Variants in RERE observed in about 807,000 individuals in gnomAD.
The protein encoded by RERE is arginine-glutamic acid dipeptide repeats.
A neutral mutation model predicts 146.1 loss-of-function variants in RERE; 40 were observed. The ratio of observed to expected loss-of-function variants is 0.27; its 90% CI spans 0.21 to 0.36. RERE has a LOEUF of 0.36. Among genes scored for constraint, RERE ranks in the 10% least tolerant of loss-of-function variants. RERE has a pLI of 1.00. For synonymous variants in RERE, 1,003 were observed against 866.0 expected (o/e 1.16, Z -2.78); for missense variants, 1,933 against 2,138.7 (o/e 0.90, Z 1.90).
intron 21 of RERE, 121 bp downstream of exon 21, chr1:8,355,979 G>T: frequency 9.2e-7 from 1 of 1,091,946 alleles, no homozygotes. Flanking sequence ...TGCATGCAGG[G>T]GGAGCGAACC....
intron 1 of RERE, among the ~76,000 whole-genome samples, chr1:8,762,815 C>T (rs1640780325): frequency 6.6e-6 from 1 of 152,132 alleles, no homozygotes; most frequent in East Asian, 1.9e-4. Flanking sequence ...TTTTCTTCCC[C>T]TTATGGCAAG....
intron 1 of RERE, among the ~76,000 whole-genome samples, chr1:8,778,558 C>T (rs941439205): frequency 6.6e-6 from 1 of 152,130 alleles, no homozygotes; most frequent in African/African-American, 2.4e-5. Context: ...TACAGTGGCT[C>T]GGGAGTGGTG....
At chr1:8,736,540 C>A (rs954078296) in intron 1 of RERE, among the ~76,000 whole-genome samples, 2 of 152,098 alleles carry the variant, frequency 1.3e-5, no homozygotes, top group African/African-American at 4.8e-5. Context: ...TCATGTTTTT[C>A]TTTCAACTTC....
At chr1:8,454,124 T>C (rs1435250535) in intron 11 of RERE, among the ~76,000 whole-genome samples, 23 of 152,070 alleles carry the variant, frequency 1.5e-4, no homozygotes, top group Non-Finnish European at 3.4e-4. Context: ...GAGTCTATGG[T>C]ACTCATTAGC....
At chr1:8,601,161 T>C (rs1646619629) in intron 4 of RERE, among the ~76,000 whole-genome samples, 2 of 150,196 alleles carry the variant, frequency 1.3e-5, no homozygotes, top group South Asian at 4.2e-4. Flanking sequence ...CTGGGATTAC[T>C]AGCGTGCGCC....
Position 8,667,125 on chromosome 1 carries a change from A to G in RERE, c.-144-10684T>C, listed in dbSNP as rs140290129. On this transcript the variant is annotated intron_variant, in intron 1 of 22. Coordinates refer to ENST00000400908, the MANE Select transcript of RERE (RefSeq NM_001042681.2). ...TGAGCTTTGGGGAAACAACTGAGAG[A>G]ACTAAGATTAAAAGACTCTAATAAA... Among the ~76,000 whole-genome samples the G allele has an allele frequency of 7.7e-3, 1,176 of 152,288 alleles. 17 individuals carry two copies. The highest frequency in any genetic ancestry group is 0.012 in the Non-Finnish European group (787 of 68,022).
At chr1:8,615,042 T>G (rs1402824953) in intron 3 of RERE, among the ~76,000 whole-genome samples, 1 of 152,202 alleles carries the variant, frequency 6.6e-6, no homozygotes, top group Non-Finnish European at 1.5e-5. Context: ...TGCAATGGTG[T>G]CAGATACAAC....
At chr1:8,394,795 G>A (rs1237542404) in intron 12 of RERE, among the ~76,000 whole-genome samples, 1 of 151,484 alleles carries the variant, frequency 6.6e-6, no homozygotes, top group Non-Finnish European at 1.5e-5. Flanking sequence ...TCCACTACTA[G>A]TATATATATA....
chr1:8,494,917 G>A lies in RERE; in HGVS notation c.1104+146C>T, dbSNP rs1645026264. ...GCAGGTGCCACATCACTGGCCTGGA[G>A]CCCCCATGGCACCCAACAGCCAAGA... is the stretch of plus-strand genomic sequence containing the variant. On this transcript the variant is annotated intron_variant, in intron 10 of 22. Transcript: ENST00000400908. The A allele has an allele frequency of 7.9e-6, 5 of 635,444 alleles. No individual in the cohort carries two copies. The Admixed American group carries it at 1.1e-4, about 14-fold the overall frequency. The allele number at this position is 635,444 out of a possible 1,614,324, so 39.4% of individuals were successfully genotyped here. A position where few individuals can be genotyped will look rare whatever the true frequency, so the allele number is the denominator to read the frequency against.
intron 4 of RERE, among the ~76,000 whole-genome samples, chr1:8,610,764 T>C (rs778246307): frequency 1.8e-4 from 27 of 152,054 alleles, no homozygotes; most frequent in Non-Finnish European, 3.4e-4. Context: ...GATAGTATTA[T>C]TATTATACCC....
At chr1:8,597,563 C>G (rs575707547) in intron 4 of RERE, among the ~76,000 whole-genome samples, 1 of 152,098 alleles carries the variant, frequency 6.6e-6, no homozygotes, top group Non-Finnish European at 1.5e-5. Context: ...AATTAAAACA[C>G]GCAGATAGAA....
intron 11 of RERE, among the ~76,000 whole-genome samples, chr1:8,435,654 A>G (rs1396107655): frequency 6.6e-6 from 1 of 152,310 alleles, no homozygotes; most frequent in East Asian, 1.9e-4. Context: ...CCTTCCCAGG[A>G]GGTCTCAAAT....
At chr1:8,491,915 A>G (rs532028698) in intron 10 of RERE, among the ~76,000 whole-genome samples, 2 of 152,214 alleles carry the variant, frequency 1.3e-5, no homozygotes, top group Non-Finnish European at 2.9e-5. Flanking sequence ...AACAATGTAT[A>G]TATCTTTTTA....
chr1:8,609,789 T>C (rs1646768980), intron 4 of RERE, among the ~76,000 whole-genome samples: 1 of 152,220 alleles, frequency 6.6e-6, no homozygotes, highest in Non-Finnish European at 1.5e-5. Context: ...AAAGCACTAA[T>C]GTTAGAAGTG....
At position 8,586,444 on chromosome 1, in the gene RERE, G is replaced by A. The variant is rs542655941; in HGVS notation, c.522+28117C>T. ...ATTAAGCTATACATATGTTTTGTGT[G>A]GCTGTATGTATCTGTGTTTTATTCT... is the stretch of plus-strand genomic sequence containing the variant. On this transcript the variant is annotated intron_variant, in intron 4 of 22. Transcript: ENST00000400908. Among the ~76,000 whole-genome samples, 6 of 152,238 alleles carry A rather than the reference G, an allele frequency of 3.9e-5. No homozygotes were observed. In the East Asian group the frequency reaches 1.2e-3, roughly 29 times the overall value.
intron 11 of RERE, among the ~76,000 whole-genome samples, chr1:8,454,663 G>A (rs539576578): frequency 6.6e-6 from 1 of 152,172 alleles, no homozygotes; most frequent in Admixed American, 6.5e-5. Flanking sequence ...AAATTGGCTG[G>A]GCGTGGTGGT....
intron 10 of RERE, among the ~76,000 whole-genome samples, chr1:8,476,386 A>C (rs1644757205): frequency 6.6e-6 from 1 of 152,192 alleles, no homozygotes; most frequent in Non-Finnish European, 1.5e-5. Flanking sequence ...TGGTGGGAGC[A>C]ATGGGTACGG....
chr1:8,456,980 C>T (rs1335536868), intron 11 of RERE, among the ~76,000 whole-genome samples: 1 of 152,188 alleles, frequency 6.6e-6, no homozygotes, highest in Non-Finnish European at 1.5e-5. Context: ...CCTCCTTCCC[C>T]ACTACAATCT....
chr1:8,499,922 C>T (rs896865331), intron 8 of RERE, among the ~76,000 whole-genome samples: 1 of 152,052 alleles, frequency 6.6e-6, no homozygotes, highest in Non-Finnish European at 1.5e-5. Flanking sequence ...GAGTTCGACA[C>T]CAGACTGACC....
Sources: allele counts gnomAD v4.1 joint callset (sites outside exome capture counted in the v4.1 genomes callset), GRCh38; gene constraint gnomAD v4.1.1; transcripts MANE v1.5; gene names NCBI Gene and HGNC (gene_info 2026-07-23, HGNC 2026-07-21).